The following FRMD4A variants were observed in gnomAD, a reference collection of about 807,000 sequenced individuals.
The protein encoded by FRMD4A is FERM domain-containing protein 4A.
Under a neutral mutation model 129.1 loss-of-function variants are expected in FRMD4A, and 29 were observed. That is an observed-to-expected ratio of 0.22 (90% CI 0.17 to 0.31). The LOEUF is 0.31. Ranked by LOEUF, FRMD4A falls within the 10% of genes least tolerant of loss-of-function variation. The probability of loss-of-function intolerance (pLI) is 1.00; values close to 1 mark genes in which losing one functional copy is unlikely to be tolerated. For synonymous variants in FRMD4A, 634 were observed against 571.6 expected, an observed-to-expected ratio of 1.11 and a Z score of -1.56; for missense variants, 1,272 against 1,375.8, an observed-to-expected ratio of 0.92 and a Z score of 1.19.
At chr10:13,792,931 G>C (rs888485632) in intron 5 of FRMD4A, among the ~76,000 whole-genome samples, 1 of 152,218 alleles carries the variant, frequency 6.6e-6, no homozygotes, top group Non-Finnish European at 1.5e-5. Context: ...TGGATGGAGA[G>C]GGGTTCTGAG....
intron 21 of FRMD4A, 113 bp downstream of exon 21, chr10:13,659,210 C>T (rs2082429506): frequency 1.0e-6 from 1 of 974,694 alleles, no homozygotes; most frequent in Non-Finnish European, 1.6e-6. Flanking sequence ...CATTTATCCT[C>T]CCAGGTTCAG....
intron 5 of FRMD4A, among the ~76,000 whole-genome samples, chr10:13,784,259 C>T (rs796561508): frequency 6.6e-4 from 100 of 152,256 alleles, no homozygotes; most frequent in African/African-American, 2.1e-3. Flanking sequence ...GATGGAGTCC[C>T]CAGCTCTGTG....
chr10:13,928,242 C>A (rs1418885), intron 2 of FRMD4A, among the ~76,000 whole-genome samples: 150,885 of 152,148 alleles, frequency 0.99, 74,829 homozygotes, highest in Middle Eastern at 1. Context: ...GGCTCGTCTC[C>A]AACTCCCGGG....
intron 8 of FRMD4A, among the ~76,000 whole-genome samples, chr10:13,753,695 C>T (rs957729374): frequency 3.9e-5 from 6 of 151,998 alleles, no homozygotes; most frequent in African/African-American, 9.7e-5. Context: ...AGGTGCTTAT[C>T]ACTGCACCTG....
At chr10:13,856,484 C>T (rs1207573228) in intron 3 of FRMD4A, among the ~76,000 whole-genome samples, 1 of 152,044 alleles carries the variant, frequency 6.6e-6, no homozygotes, top group Non-Finnish European at 1.5e-5. Flanking sequence ...AAGTACACAA[C>T]CAATCACAGC....
intron 18 of FRMD4A, among the ~76,000 whole-genome samples, chr10:13,664,800 C>T (rs918520798): frequency 6.6e-5 from 10 of 152,076 alleles, no homozygotes; most frequent in Non-Finnish European, 5.9e-5. Flanking sequence ...AGTCTCAAAC[C>T]TCTGGCTCAA....
At chr10:13,986,661 A>G (rs543565445) in intron 2 of FRMD4A, among the ~76,000 whole-genome samples, 1 of 147,980 alleles carries the variant, frequency 6.8e-6, no homozygotes, top group East Asian at 2.0e-4. Flanking sequence ...AATAATAAAA[A>G]TAAATAAATA....
chr10:13,893,520 AAC>A (rs2094724126), intron 2 of FRMD4A, among the ~76,000 whole-genome samples: 1 of 151,828 alleles, frequency 6.6e-6, no homozygotes, highest in Non-Finnish European at 1.5e-5. Context: ...TCAGACCTAC[AAC>A]ATTTTTTTTT....
intron 11 of FRMD4A, among the ~76,000 whole-genome samples, chr10:13,738,788 T>C (rs1353799956): frequency 3.3e-5 from 5 of 152,188 alleles, no homozygotes; most frequent in African/African-American, 7.2e-5. Flanking sequence ...GTCTGGCTAA[T>C]TTTTGTATTT....
rs550346147 is a variant in FRMD4A, at chr10:13,703,466, G to A, written c.837-1988C>T. On this transcript the variant is annotated intron_variant, in intron 13 of 24. Coordinates refer to ENST00000357447, the MANE Select transcript of FRMD4A (RefSeq NM_018027.5). ...CAGGGAATGGTGCAATCACACCTGA[G>A]CCCATCGGCCCAGAAAGCAGCCTCT... Among the ~76,000 whole-genome samples the A allele has an allele frequency of 2.6e-5, 4 of 152,260 alleles. No homozygotes were observed. The South Asian group carries it at 6.2e-4, about 24-fold the overall frequency.
chr10:14,026,538 C>T (rs370654078), intron 2 of FRMD4A, among the ~76,000 whole-genome samples: 30 of 152,214 alleles, frequency 2.0e-4, no homozygotes, highest in African/African-American at 5.3e-4. Context: ...TTGTTAGGAA[C>T]GGCATAGGAA....
chr10:14,065,320 A>G (rs1389128049), intron 2 of FRMD4A, among the ~76,000 whole-genome samples: 2 of 152,108 alleles, frequency 1.3e-5, no homozygotes, highest in African/African-American at 4.8e-5. Context: ...AGTAGCTGGG[A>G]CTACAGGCAT....
intron 16 of FRMD4A, among the ~76,000 whole-genome samples, chr10:13,671,956 A>G (rs1158308281): frequency 1.3e-5 from 2 of 152,288 alleles, no homozygotes; most frequent in Non-Finnish European, 2.9e-5. Context: ...CTACACAGAA[A>G]GCTTTTGCGC....
intron 4 of FRMD4A, among the ~76,000 whole-genome samples, chr10:13,805,667 G>A (rs528404214): frequency 4.1e-4 from 63 of 152,086 alleles, no homozygotes; most frequent in Admixed American, 6.6e-4. Context: ...CCACCCCCTG[G>A]CTCACAAGCT....
At chr10:14,075,084 C>T (rs554156886) in intron 2 of FRMD4A, among the ~76,000 whole-genome samples, 9 of 152,222 alleles carry the variant, frequency 5.9e-5, no homozygotes, top group South Asian at 4.2e-4. Context: ...CCAGTGCTAA[C>T]GTAGCACTGC....
chr10:13,719,584 G>A (rs541501868), intron 12 of FRMD4A, among the ~76,000 whole-genome samples: 1 of 152,232 alleles, frequency 6.6e-6, no homozygotes, highest in East Asian at 1.9e-4. Context: ...GTGTTAAACA[G>A]GTTTACATTT....
chr10:14,195,700 A>G (rs1275615212), intron 2 of FRMD4A, among the ~76,000 whole-genome samples: 2 of 152,208 alleles, frequency 1.3e-5, no homozygotes, highest in Admixed American at 6.5e-5. Flanking sequence ...GGTAATATTC[A>G]TGACTTCAGA....
intron 2 of FRMD4A, among the ~76,000 whole-genome samples, chr10:14,114,316 T>C (rs1589005430): frequency 6.6e-6 from 1 of 152,178 alleles, no homozygotes; most frequent in South Asian, 2.1e-4. Flanking sequence ...GGAGCCTCAT[T>C]TGAGCCAGCT....
chr10:13,994,620 G>A (rs540313155), intron 2 of FRMD4A, among the ~76,000 whole-genome samples: 7 of 152,214 alleles, frequency 4.6e-5, no homozygotes, highest in Admixed American at 3.9e-4. Flanking sequence ...GGCATCTTAG[G>A]CAATGTTATT....
Sources: allele counts gnomAD v4.1 joint callset (sites outside exome capture counted in the v4.1 genomes callset), GRCh38; gene constraint gnomAD v4.1.1; transcripts MANE v1.5; gene names NCBI Gene and HGNC (gene_info 2026-07-23, HGNC 2026-07-21).